Variants in GBE1 observed in about 807,000 individuals in gnomAD.
GBE1 encodes 1,4-alpha-glucan branching enzyme 1.
A neutral mutation model predicts 88.8 loss-of-function variants in GBE1; 70 were observed. That is an observed-to-expected ratio of 0.79 (90% CI 0.65 to 0.96). The LOEUF (loss-of-function observed/expected upper bound fraction) is 0.96. GBE1 is among the 40% of genes least tolerant of loss of function. GBE1 has a pLI of 0.00. For synonymous variants in GBE1, 284 were observed against 300.1 expected (o/e 0.95, Z 0.56); for missense variants, 872 against 871.0 (o/e 1.00, Z -0.01).
chr3:81,524,584 T>C (rs1055619578), intron 14 of GBE1, among the ~76,000 whole-genome samples: 1 of 151,854 alleles, frequency 6.6e-6, no homozygotes, highest in Non-Finnish European at 1.5e-5. Context: ...TTGTTTTTTG[T>C]ATATAATGAG....
At chr3:81,493,211 T>C (rs1702458896) in intron 15 of GBE1, among the ~76,000 whole-genome samples, 1 of 152,216 alleles carries the variant, frequency 6.6e-6, no homozygotes, top group Admixed American at 6.5e-5. Flanking sequence ...CAGTTCCCTC[T>C]ACATTGAAAA....
intron 14 of GBE1, among the ~76,000 whole-genome samples, chr3:81,533,309 A>G (rs1286244290): frequency 6.6e-6 from 1 of 152,074 alleles, no homozygotes; most frequent in East Asian, 1.9e-4. Flanking sequence ...CCAGAATAGT[A>G]CTGTACTTCT....
chr3:81,502,657 A>G (rs1702603949), intron 14 of GBE1, among the ~76,000 whole-genome samples: 1 of 152,152 alleles, frequency 6.6e-6, no homozygotes, highest in South Asian at 2.1e-4. Flanking sequence ...GAATTAGAAC[A>G]AGCCTTTTCA....
At chr3:81,490,679 C>G (rs567611047) in intron 15 of GBE1, among the ~76,000 whole-genome samples, 5 of 151,940 alleles carry the variant, frequency 3.3e-5, no homozygotes, top group Non-Finnish European at 1.5e-5. Context: ...GGGCGCCATA[C>G]GACTTAATGA....
In GBE1 at chr3:81,705,085, C is replaced by T. The variant is rs1050243284; in HGVS notation, c.313+359G>A. The stretch of plus-strand genomic sequence containing the variant: ...GATGCCAGCCAGCCAGGTGTGAATG[C>T]TAGCGGAGCTTTATGCCAATATTTT... On this transcript the variant is annotated intron_variant, in intron 2 of 15. Coordinates refer to ENST00000429644, the MANE Select transcript of GBE1 (RefSeq NM_000158.4). 7.2e-5 allele frequency among the ~76,000 whole-genome samples: 11 copies of T among 152,098 alleles called. 1 individual carries two copies. Among genetic ancestry groups the T allele is most frequent in the Non-Finnish European group, 1.5e-4 (10 of 67,980 alleles).
At chr3:81,666,326 T>C (rs1226946944) in intron 3 of GBE1, among the ~76,000 whole-genome samples, 5 of 152,252 alleles carry the variant, frequency 3.3e-5, no homozygotes, top group Non-Finnish European at 7.3e-5. Flanking sequence ...TAAGAAGGGC[T>C]ACTTTTCTTT....
intron 1 of GBE1, among the ~76,000 whole-genome samples, chr3:81,758,004 G>A (rs1267575368): frequency 2.6e-5 from 4 of 152,162 alleles, no homozygotes; most frequent in Non-Finnish European, 5.9e-5. Context: ...GCTTCAAAGA[G>A]CCAAGAAATA....
intron 10 of GBE1, among the ~76,000 whole-genome samples, chr3:81,583,747 T>C (rs142853786): frequency 8.7e-4 from 133 of 152,182 alleles, no homozygotes; most frequent in African/African-American, 3.1e-3. Context: ...AAGGCATTAT[T>C]AGAAGCAAGC....
intron 2 of GBE1, among the ~76,000 whole-genome samples, chr3:81,683,707 T>C (rs1208850778): frequency 6.6e-6 from 1 of 152,202 alleles, no homozygotes; most frequent in Non-Finnish European, 1.5e-5. Flanking sequence ...ATCTGAAACT[T>C]TCACATGGCT....
chr3:81,740,042 T>C (rs1340988686), intron 1 of GBE1, among the ~76,000 whole-genome samples: 2 of 151,868 alleles, frequency 1.3e-5, no homozygotes, highest in Non-Finnish European at 2.9e-5. Context: ...CTGAGCAGCA[T>C]AGCAAGACCC....
At chr3:81,605,162 C>A (rs1028764577) in intron 7 of GBE1, among the ~76,000 whole-genome samples, 1 of 152,024 alleles carries the variant, frequency 6.6e-6, no homozygotes, top group African/African-American at 2.4e-5. Context: ...ACCAAAAAAA[C>A]ATCAATATCC....
rs1706506907 is a variant in GBE1 at position 81,750,635 on chromosome 3, A to ATG, written c.143+10739_143+10740insCA. 2.7e-4 allele frequency among the ~76,000 whole-genome samples: 16 copies of ATG among 59,354 alleles called. 2 individuals are homozygous for ATG. The highest frequency in any genetic ancestry group is 2.0e-3 in the East Asian group (1 of 510). The allele number at this position is 59,354 out of a possible 152,430, so 38.9% of individuals were successfully genotyped here. A position where few individuals can be genotyped will look rare whatever the true frequency, so the allele number is the denominator to read the frequency against. ...TATATATGTATATATATATACGTAT[A>ATG]TATATATATGTATATATATATATGT... is the stretch of plus-strand genomic sequence containing the variant. On this transcript the variant is annotated intron_variant, in intron 1 of 15. Transcript: ENST00000429644.
At chr3:81,576,502 T>C (rs1029750615) in intron 12 of GBE1, among the ~76,000 whole-genome samples, 2 of 152,222 alleles carry the variant, frequency 1.3e-5, no homozygotes, top group Non-Finnish European at 2.9e-5. Context: ...GTTATTTGCA[T>C]AGGTTCATAC....
At chr3:81,669,708 A>AT (rs1268137529) in intron 3 of GBE1, among the ~76,000 whole-genome samples, 4 of 152,072 alleles carry the variant, frequency 2.6e-5, no homozygotes, top group Non-Finnish European at 5.9e-5. Flanking sequence ...TTTATATTAA[A>AT]TTTTAATTCC....
Position 81,658,042 on chromosome 3 carries a change from C to G in GBE1, c.430-8121G>C, listed in dbSNP as rs570422008. Among the ~76,000 whole-genome samples the G allele has an allele frequency of 2.6e-5, 4 of 152,150 alleles. 1 individual carries two copies. In the South Asian group the frequency reaches 8.3e-4, roughly 32 times the overall value. ...TTAGTTAAACTTCTAAAGCAATAAC[C>G]TATAGATCAAATTTCACTAGATACC... On this transcript the variant is annotated intron_variant, in intron 3 of 15. Coordinates refer to ENST00000429644, the MANE Select transcript of GBE1 (RefSeq NM_000158.4).
rs560947015 is a variant in GBE1 at position 81,499,009 on chromosome 3, T to C, written c.2052+101A>G. ...TAACCCCTTTCCTTCATGCTTTTTTTCCATGTTGCTTATTTGAAGAGTTGT... is the reference window on the plus strand; with the variant it reads ...TAACCCCTTTCCTTCATGCTTTTTTCCCATGTTGCTTATTTGAAGAGTTGT... On this transcript the variant is annotated intron_variant, in intron 15 of 15. Transcript: ENST00000429644. 8.4e-4 allele frequency: 597 copies of C among 706,920 alleles called. 1 individual carries two copies. Among genetic ancestry groups the C allele is most frequent in the Non-Finnish European group, 1.2e-3 (512 of 411,724 alleles). The allele number at this position is 706,920 out of a possible 1,614,324, so 43.8% of individuals were successfully genotyped here.
intron 1 of GBE1, among the ~76,000 whole-genome samples, chr3:81,754,226 A>T (rs1220958955): frequency 6.6e-6 from 1 of 152,130 alleles, no homozygotes; most frequent in Non-Finnish European, 1.5e-5. Flanking sequence ...CAACGAATAC[A>T]AAATACCTAG....
At chr3:81,506,572 A>G (rs1702657403) in intron 14 of GBE1, among the ~76,000 whole-genome samples, 1 of 152,200 alleles carries the variant, frequency 6.6e-6, no homozygotes, top group South Asian at 2.1e-4. Context: ...TACAGGGTAC[A>G]TACTCAAAGG....
intron 7 of GBE1, among the ~76,000 whole-genome samples, chr3:81,597,156 A>T (rs1173126941): frequency 6.6e-6 from 1 of 151,860 alleles, no homozygotes; most frequent in Non-Finnish European, 1.5e-5. Flanking sequence ...GTACAATAAA[A>T]AAGGCAATTT....
Sources: gnomAD v4.1 joint callset for allele counts (sites outside exome capture counted in the v4.1 genomes callset) on GRCh38, gnomAD v4.1.1 for gene constraint, MANE v1.5 for transcripts, NCBI Gene and HGNC (gene_info 2026-07-23, HGNC 2026-07-21) for gene names.